Variants in PPFIA2 observed in about 807,000 individuals in gnomAD.
PPFIA2 encodes the protein liprin-alpha-2.
A neutral mutation model predicts 175.5 loss-of-function variants in PPFIA2; 46 were observed. That is an observed-to-expected ratio of 0.26 (90% CI 0.21 to 0.34). The LOEUF is 0.34. Among genes scored for constraint, PPFIA2 ranks in the 10% least tolerant of loss-of-function variants. The pLI is 1.00. For missense variants in PPFIA2, 1,179 were observed against 1,506.1 expected (o/e 0.78, Z 3.60); for synonymous variants, 568 against 511.4 (o/e 1.11, Z -1.49).
intron 21 of PPFIA2, among the ~76,000 whole-genome samples, chr12:81,327,729 C>T (rs1207840482): frequency 1.3e-5 from 2 of 151,462 alleles, no homozygotes; most frequent in East Asian, 1.9e-4. Flanking sequence ...TATTCATATA[C>T]CCAAAATTTT....
chr12:81,266,831 T>C, intron 30 of PPFIA2, 121 bp downstream of exon 30: 1 of 728,794 alleles, frequency 1.4e-6, no homozygotes. Context: ...GAGAAAATTA[T>C]TGATTCTAAC....
At chr12:81,559,151 G>A (rs753961526) in intron 4 of PPFIA2, among the ~76,000 whole-genome samples, 18 of 152,152 alleles carry the variant, frequency 1.2e-4, no homozygotes, top group Non-Finnish European at 2.5e-4. Context: ...AAGGAGTTAA[G>A]AATTGCTTCA....
At chr12:81,599,153 C>T (rs182352925) in intron 4 of PPFIA2, among the ~76,000 whole-genome samples, 1 of 151,966 alleles carries the variant, frequency 6.6e-6, no homozygotes, top group East Asian at 1.9e-4. Context: ...GTTCCATTTA[C>T]ACATCGTTCA....
chr12:81,725,285 C>T (rs1022657790), intron 3 of PPFIA2, among the ~76,000 whole-genome samples: 2 of 150,812 alleles, frequency 1.3e-5, no homozygotes, highest in Admixed American at 1.3e-4. Context: ...AAAATACATA[C>T]ATTTTACCAT....
chr12:81,400,033 C>A (rs1450268797), intron 8 of PPFIA2, among the ~76,000 whole-genome samples: 1 of 152,038 alleles, frequency 6.6e-6, no homozygotes, highest in African/African-American at 2.4e-5. Context: ...GAAGACATGC[C>A]TGTGGATGAT....
chr12:81,480,686 T>A (rs1282769335), intron 4 of PPFIA2, among the ~76,000 whole-genome samples: 2 of 152,260 alleles, frequency 1.3e-5, no homozygotes, highest in South Asian at 2.1e-4. Flanking sequence ...CAGGTCTGCT[T>A]GAGTTTGCTA....
intron 4 of PPFIA2, among the ~76,000 whole-genome samples, chr12:81,483,730 A>G (rs1171301932): frequency 6.6e-6 from 1 of 152,096 alleles, no homozygotes; most frequent in African/African-American, 2.4e-5. Context: ...AAAACTATCT[A>G]AGGTATTTAA....
chr12:81,298,753 G>C (rs561319912), intron 23 of PPFIA2, among the ~76,000 whole-genome samples: 1 of 152,304 alleles, frequency 6.6e-6, no homozygotes, highest in African/African-American at 2.4e-5. Context: ...GCTGAAAATA[G>C]TTCTTCTTTT....
chr12:81,468,265 T>C (rs149302818), intron 4 of PPFIA2, among the ~76,000 whole-genome samples: 96 of 152,288 alleles, frequency 6.3e-4, no homozygotes, highest in Non-Finnish European at 1.1e-3. Context: ...GAATCTTCAA[T>C]CTCTATAAAT....
At chr12:81,270,180 G>C (rs988933679) in intron 28 of PPFIA2, among the ~76,000 whole-genome samples, 1 of 152,190 alleles carries the variant, frequency 6.6e-6, no homozygotes, top group Admixed American at 6.5e-5. Flanking sequence ...ATTGTTATGT[G>C]TTTACTTGTT....
intron 7 of PPFIA2, among the ~76,000 whole-genome samples, chr12:81,436,167 G>A (rs2048951022): frequency 6.6e-6 from 1 of 150,870 alleles, no homozygotes. Context: ...TGTAGTCCCA[G>A]CTACTCGTAA....
intron 3 of PPFIA2, among the ~76,000 whole-genome samples, chr12:81,728,794 C>A (rs886911543): frequency 6.6e-6 from 1 of 151,302 alleles, no homozygotes; most frequent in African/African-American, 2.4e-5. Flanking sequence ...TCTAAGGTGA[C>A]TACCAGAAAA....
chr12:81,280,089 A>G (rs2041705859), intron 27 of PPFIA2, among the ~76,000 whole-genome samples: 3 of 152,308 alleles, frequency 2.0e-5, no homozygotes, highest in African/African-American at 7.2e-5. Context: ...CCTTATAACA[A>G]TTTGATACCC....
At chr12:81,529,142 T>A (rs1222951145) in intron 4 of PPFIA2, among the ~76,000 whole-genome samples, 1 of 151,980 alleles carries the variant, frequency 6.6e-6, no homozygotes, top group African/African-American at 2.4e-5. Context: ...AGTCAATGTG[T>A]CAGAGAAAAG....
chr12:81,690,070 A>G (rs2075038062), intron 3 of PPFIA2, among the ~76,000 whole-genome samples: 1 of 152,122 alleles, frequency 6.6e-6, no homozygotes, highest in South Asian at 2.1e-4. Flanking sequence ...GTTTCAGTAA[A>G]CACAGTACAG....
intron 4 of PPFIA2, among the ~76,000 whole-genome samples, chr12:81,508,899 C>T (rs1249231821): frequency 6.6e-6 from 1 of 151,850 alleles, no homozygotes; most frequent in Admixed American, 6.6e-5. Context: ...TTTACACATG[C>T]ACACGTATGT....
At chr12:81,652,832 G>T (rs1203687135) in intron 4 of PPFIA2, among the ~76,000 whole-genome samples, 2 of 151,788 alleles carry the variant, frequency 1.3e-5, no homozygotes, top group African/African-American at 2.4e-5. Context: ...ATTCACCTAC[G>T]CCAAACTAAA....
intron 4 of PPFIA2, among the ~76,000 whole-genome samples, chr12:81,523,101 T>C (rs1017861691): frequency 6.6e-6 from 1 of 152,162 alleles, no homozygotes; most frequent in African/African-American, 2.4e-5. Flanking sequence ...CACTATTTCA[T>C]TGGCGATAAA....
rs1567686433 is a variant in PPFIA2, at chr12:81,642,683, C to CACATAATGTATGTATA, written c.303+34107_303+34108insTATACATACATTATGT. Among the ~76,000 whole-genome samples, 2 of 35,980 alleles carry CACATAATGTATGTATA rather than the reference C, an allele frequency of 5.6e-5. 1 individual carries two copies. Among genetic ancestry groups the CACATAATGTATGTATA allele is most frequent in the African/African-American group, 2.1e-4 (2 of 9,632 alleles). The allele number at this position is 35,980 out of a possible 152,430, so 23.6% of individuals were successfully genotyped here. ...CTATTATATACATACATGTATGTAT[C>CACATAATGTATGTATA]TATTATATACATACATGTATATGTA... On this transcript the variant is annotated intron_variant, in intron 4 of 32. Coordinates refer to ENST00000549396, the MANE Select transcript of PPFIA2 (RefSeq NM_003625.5).
Sources: allele counts gnomAD v4.1 joint callset (sites outside exome capture counted in the v4.1 genomes callset), GRCh38; gene constraint gnomAD v4.1.1; transcripts MANE v1.5; gene names NCBI Gene and HGNC (gene_info 2026-07-23, HGNC 2026-07-21).